The following SLC25A21 variants were observed in gnomAD, a reference collection of about 807,000 sequenced individuals.
SLC25A21 encodes solute carrier family 25 member 21, also known as mitochondrial 2-oxodicarboxylate carrier.
A neutral mutation model predicts 43.8 loss-of-function variants in SLC25A21; 47 were observed. The ratio of observed to expected loss-of-function variants is 1.07; its 90% CI spans 0.85 to 1.37. The LOEUF (loss-of-function observed/expected upper bound fraction) is 1.37, where lower values mean the gene tolerates loss of function less well. Among genes scored for constraint, SLC25A21 ranks in the 40% most tolerant of loss-of-function variants. The pLI is 0.00. For missense variants in SLC25A21, 352 were observed against 350.2 expected, an observed-to-expected ratio of 1.00 and a Z score of -0.04; for synonymous variants, 131 against 121.3, an observed-to-expected ratio of 1.08 and a Z score of -0.52.
intron 1 of SLC25A21, among the ~76,000 whole-genome samples, chr14:37,006,126 T>C (rs1164770069): frequency 6.6e-6 from 1 of 152,126 alleles, no homozygotes; most frequent in Non-Finnish European, 1.5e-5. Context: ...TAATGATAAA[T>C]GTATCACATT....
chr14:37,075,545 G>A (rs1436199382), intron 1 of SLC25A21, among the ~76,000 whole-genome samples: 1 of 152,102 alleles, frequency 6.6e-6, no homozygotes, highest in East Asian at 1.9e-4. Flanking sequence ...AGTGACGGGG[G>A]AAGGAGGGAC....
intron 1 of SLC25A21, among the ~76,000 whole-genome samples, chr14:37,144,947 TTGTTG>T (rs1212326982): frequency 6.6e-6 from 1 of 151,688 alleles, no homozygotes; most frequent in African/African-American, 2.4e-5. Flanking sequence ...GTTGTTGTTG[TTGTTG>T]TTGTTTGTTT....
intron 1 of SLC25A21, among the ~76,000 whole-genome samples, chr14:37,116,104 C>A (rs988069078): frequency 2.5e-4 from 38 of 151,578 alleles, no homozygotes; most frequent in African/African-American, 9.0e-4. Context: ...TAAAAAAAAA[C>A]AACTAAAACT....
chr14:36,760,779 C>T (rs1886124802), intron 3 of SLC25A21, among the ~76,000 whole-genome samples: 1 of 152,018 alleles, frequency 6.6e-6, no homozygotes, highest in Non-Finnish European at 1.5e-5. Flanking sequence ...TTAAGGGGAA[C>T]CCCCCAGGAG....
intron 1 of SLC25A21, among the ~76,000 whole-genome samples, chr14:37,081,153 T>C (rs2138838364): frequency 6.6e-6 from 1 of 152,298 alleles, no homozygotes; most frequent in South Asian, 2.1e-4. Context: ...TTTTGTGAAC[T>C]CTTCTCAACT....
rs543708207 is a variant in SLC25A21, at chr14:36,680,586, T to C, written c.*72A>G. 3.9e-6 allele frequency: 6 copies of C among 1,543,112 alleles called. No homozygotes were observed. The highest frequency in any genetic ancestry group is 2.4e-5 in the East Asian group (1 of 42,342). On this transcript the variant is annotated 3_prime_UTR_variant, in exon 10 of 10. Transcript: ENST00000331299. Reference sequence around the variant, plus strand: ...CATAATTATACACCTGGCCGATCGATAGTCTCTCTTCTTCATGGTGCTGCA... The same window carrying C: ...CATAATTATACACCTGGCCGATCGACAGTCTCTCTTCTTCATGGTGCTGCA...
At chr14:37,056,418 G>C (rs901069221) in intron 1 of SLC25A21, among the ~76,000 whole-genome samples, 2 of 151,554 alleles carry the variant, frequency 1.3e-5, no homozygotes, top group African/African-American at 4.9e-5. Context: ...TGAACCCCGG[G>C]GGGCGGAGTG....
intron 9 of SLC25A21, among the ~76,000 whole-genome samples, chr14:36,682,170 CT>C (rs60676379): frequency 0.17 from 25,679 of 147,722 alleles, 3,223 homozygotes; most frequent in African/African-American, 0.33. Flanking sequence ...CTCTCTCATT[CT>C]TTTTTTTTTT....
intron 1 of SLC25A21, among the ~76,000 whole-genome samples, chr14:37,060,414 AATAATAATAATG>A (rs1430759586): frequency 1.4e-4 from 20 of 147,620 alleles, no homozygotes; most frequent in Non-Finnish European, 2.1e-4. Context: ...TAATAATAAT[AATAATAATAATG>A]ATGTAACCCA....
chr14:36,734,399 A>C (rs1269236882), intron 4 of SLC25A21, 108 bp downstream of exon 4: 3 of 704,858 alleles, frequency 4.3e-6, no homozygotes, highest in African/African-American at 2.3e-5. Context: ...TCTGCATTAA[A>C]ATTTTTAGTG....
intron 1 of SLC25A21, among the ~76,000 whole-genome samples, chr14:37,007,696 G>A (rs943684130): frequency 6.6e-6 from 1 of 151,920 alleles, no homozygotes; most frequent in African/African-American, 2.4e-5. Context: ...AGAAAAAAAA[G>A]CTTGTTCATC....
Position 36,837,285 on chromosome 14 carries a change from G to C in SLC25A21, c.120-23284C>G, listed in dbSNP as rs374382075. 5.3e-5 allele frequency among the ~76,000 whole-genome samples: 8 copies of C among 152,180 alleles called. No homozygotes were observed. In the East Asian group the frequency reaches 5.8e-4, roughly 11 times the overall value. Reference sequence around the variant, plus strand: ...ACTGAAAGGGCCAAGGGGGTGTCCAGACTGAGACCCAAGTGCAGTGAGAAG... The same window carrying C: ...ACTGAAAGGGCCAAGGGGGTGTCCACACTGAGACCCAAGTGCAGTGAGAAG... On this transcript the variant is annotated intron_variant, in intron 2 of 9. Coordinates refer to ENST00000331299, the MANE Select transcript of SLC25A21 (RefSeq NM_030631.4).
intron 2 of SLC25A21, among the ~76,000 whole-genome samples, chr14:36,827,294 T>G (rs1473699219): frequency 6.6e-6 from 1 of 152,176 alleles, no homozygotes; most frequent in Non-Finnish European, 1.5e-5. Flanking sequence ...TTCTGTTGGC[T>G]CTGGTGGCAT....
At chr14:36,871,159 C>A (rs981995590) in intron 2 of SLC25A21, among the ~76,000 whole-genome samples, 1 of 151,956 alleles carries the variant, frequency 6.6e-6, no homozygotes, top group East Asian at 1.9e-4. Context: ...TCCAACCCCG[C>A]AAGGTGATGG....
At chr14:36,770,652 G>C (rs545053398) in intron 3 of SLC25A21, among the ~76,000 whole-genome samples, 3 of 152,194 alleles carry the variant, frequency 2.0e-5, no homozygotes, top group Middle Eastern at 3.4e-3. Flanking sequence ...TCTATAAAAC[G>C]TTAGACATCA....
At chr14:37,002,763 T>C (rs1566805897) in intron 1 of SLC25A21, among the ~76,000 whole-genome samples, 1 of 152,196 alleles carries the variant, frequency 6.6e-6, no homozygotes, top group Non-Finnish European at 1.5e-5. Flanking sequence ...TCTACAGCCA[T>C]GTATACTTAT....
chr14:36,724,190 T>C (rs1884490767), intron 6 of SLC25A21, among the ~76,000 whole-genome samples: 1 of 152,230 alleles, frequency 6.6e-6, no homozygotes, highest in Non-Finnish European at 1.5e-5. Flanking sequence ...TATATTACTG[T>C]ATTTAAGACA....
chr14:36,969,839 G>C (rs886447334), intron 1 of SLC25A21, among the ~76,000 whole-genome samples: 2 of 151,874 alleles, frequency 1.3e-5, no homozygotes, highest in African/African-American at 4.8e-5. Flanking sequence ...GCAGGGGATC[G>C]AGGCAGATGC....
intron 9 of SLC25A21, among the ~76,000 whole-genome samples, chr14:36,683,532 C>T (rs1882387510): frequency 6.6e-6 from 1 of 152,242 alleles, no homozygotes; most frequent in African/African-American, 2.4e-5. Context: ...AGCCACTGCA[C>T]ACACCTCGGC....
Sources: allele counts gnomAD v4.1 joint callset (sites outside exome capture counted in the v4.1 genomes callset), GRCh38; gene constraint gnomAD v4.1.1; transcripts MANE v1.5; gene names NCBI Gene and HGNC (gene_info 2026-07-23, HGNC 2026-07-21).